Variants in ZBTB40 observed in about 807,000 individuals in gnomAD.
ZBTB40 encodes zinc finger and BTB domain containing 40.
In ZBTB40, 60 loss-of-function variants were observed where a neutral mutation model predicts 117.5. That is an observed-to-expected ratio of 0.51 (90% CI 0.41 to 0.63). The LOEUF is 0.63. ZBTB40 is among the 30% of genes least tolerant of loss of function. The pLI is 0.00. For synonymous variants in ZBTB40, 525 were observed against 577.1 expected (o/e 0.91, Z 1.29); for missense variants, 1,287 against 1,498.5 (o/e 0.86, Z 2.33).
chr1:22,444,546 A>C (rs1640767926), intron 1 of ZBTB40, among the ~76,000 whole-genome samples: 1 of 152,208 alleles, frequency 6.6e-6, no homozygotes, highest in South Asian at 2.1e-4. Flanking sequence ...GGGTTCAAGC[A>C]TGTGCACTAA....
intron 3 of ZBTB40, among the ~76,000 whole-genome samples, chr1:22,495,285 G>A (rs905518663): frequency 1.3e-4 from 20 of 152,176 alleles, no homozygotes; most frequent in African/African-American, 4.1e-4. Context: ...CTTGAATTGT[G>A]AGAAATCAAA....
In ZBTB40 at chr1:22,441,065, C is replaced by T. The variant is rs552429223; in HGVS notation, c.-70+12051C>T. Among the ~76,000 whole-genome samples the T allele has an allele frequency of 4.6e-5, 7 of 152,128 alleles. No individual in the cohort carries two copies. The South Asian group carries it at 1.5e-3, about 32-fold the overall frequency. On this transcript the variant is annotated intron_variant, in intron 1 of 8. Transcript: ENST00000650433. ...CTGAAAATAATTGGTATTAGTTGTT[C>T]TTTTCATGTTTGGTAAATTCACCTG...
At chr1:22,463,802 G>A (rs1013823647) in intron 1 of ZBTB40, among the ~76,000 whole-genome samples, 12 of 152,166 alleles carry the variant, frequency 7.9e-5, no homozygotes, top group South Asian at 4.1e-4. Flanking sequence ...AGTTTGTTAC[G>A]CTGAACATTT....
At chr1:22,485,119 GTC>G (rs1638429579) in intron 1 of ZBTB40, among the ~76,000 whole-genome samples, 1 of 152,134 alleles carries the variant, frequency 6.6e-6, no homozygotes, top group African/African-American at 2.4e-5. Context: ...TTCTTGTAAT[GTC>G]TCTGTGTGGT....
chr1:22,441,175 G>C (rs965838505), intron 1 of ZBTB40, among the ~76,000 whole-genome samples: 1 of 152,062 alleles, frequency 6.6e-6, no homozygotes, highest in Admixed American at 6.6e-5. Context: ...GGTGTGTTCA[G>C]ATTTTCTATT....
Position 22,520,199 on chromosome 1 carries a change from C to G in ZBTB40, c.2972C>G (p.Ser991Cys). The change falls in exon 14 of 18, where the codon TCC (serine) becomes TGC (cysteine). Residue 991 changes from serine (S) to cysteine (C), a missense_variant. Coordinates refer to ENST00000375647, the MANE Select transcript of ZBTB40 (RefSeq NM_014870.4). ...PTCGKIFSAP[S>C]MLERHVVTHV... The stretch of plus-strand genomic sequence containing the variant: ...TGTGGGAAGATCTTCAGTGCCCCGT[C>G]CATGCTGGAGCGGCACGTGGTGACC... 6.2e-7 allele frequency: 1 copy of G among 1,614,084 alleles called. No individual in the cohort carries two copies. Among genetic ancestry groups the G allele is most frequent in the Non-Finnish European group, 8.5e-7 (1 of 1,179,998 alleles).
At chr1:22,492,266 C>CAT (rs1160750205) in intron 3 of ZBTB40, among the ~76,000 whole-genome samples, 2 of 152,126 alleles carry the variant, frequency 1.3e-5, no homozygotes, top group Admixed American at 6.5e-5. Context: ...AAAAGTGATG[C>CAT]ATATATATAT....
chr1:22,485,730 G>A (rs1290427984), intron 1 of ZBTB40, among the ~76,000 whole-genome samples: 1 of 152,016 alleles, frequency 6.6e-6, no homozygotes, highest in East Asian at 1.9e-4. Context: ...TAGATATTCT[G>A]TTCTGTTTTC....
rs368862186 is a variant in ZBTB40, at chr1:22,526,369, G to A, written c.3693G>A (p.Val1231=). The A allele has an allele frequency of 3.4e-5, 55 of 1,614,086 alleles. No individual in the cohort carries two copies. Among genetic ancestry groups the A allele is most frequent in the Non-Finnish European group, 4.7e-5 (55 of 1,180,044 alleles). ...TGGAGGACTTGCTGGATGGCACAGT[G>A]ACGCTGATCTGTGGTGAGGCCAAAT... ...VTVEDLLDGT[V]TLICGEAK The change falls in exon 18 of 18, where the codon GTG becomes GTA. Residue 1231 remains valine, a synonymous_variant. Transcript: ENST00000375647.
intron 1 of ZBTB40, among the ~76,000 whole-genome samples, chr1:22,433,455 A>AAAAAAAAAAAAAAAAAAAAAAC (rs1640627579): frequency 1.4e-5 from 2 of 140,820 alleles, no homozygotes; most frequent in Non-Finnish European, 3.1e-5. Flanking sequence ...AAAAAAAAAA[A>AAAAAAAAAAAAAAAAAAAAAAC]AAGACAGCTA....
chr1:22,457,640 A>G (rs1014643298), intron 1 of ZBTB40, among the ~76,000 whole-genome samples: 1 of 152,242 alleles, frequency 6.6e-6, no homozygotes, highest in Admixed American at 6.5e-5. Flanking sequence ...ACAAAGGATT[A>G]TAACTGTAAA....
In ZBTB40 at chr1:22,512,907, G is replaced by GT; in HGVS notation, c.2462-16dup. 6.2e-7 allele frequency: 1 copy of GT among 1,613,916 alleles called. No individual in the cohort carries two copies. Among genetic ancestry groups the GT allele is most frequent in the Middle Eastern group, 1.7e-4 (1 of 6,060 alleles). On this transcript the variant is annotated splice_polypyrimidine_tract_variant and intron_variant, in intron 11 of 17. Coordinates refer to ENST00000375647, the MANE Select transcript of ZBTB40 (RefSeq NM_014870.4). ...AGTAGCATCTCTTCTGGCCTCTGGT[G>GT]TGCTTGGCTTCCCTAGGCATGCAGT...
chr1:22,473,169 A>G (rs928636922), intron 1 of ZBTB40, among the ~76,000 whole-genome samples: 1 of 152,224 alleles, frequency 6.6e-6, no homozygotes, highest in African/African-American at 2.4e-5. Flanking sequence ...TTGGACCAAC[A>G]GCAGCTAGGT....
intron 1 of ZBTB40, among the ~76,000 whole-genome samples, chr1:22,430,507 C>T (rs970152006): frequency 6.6e-6 from 1 of 151,892 alleles, no homozygotes; most frequent in African/African-American, 2.4e-5. Context: ...GGGAGGATTG[C>T]TTGAGCCTGG....
At chr1:22,458,984 T>C (rs1167508210) in intron 1 of ZBTB40, among the ~76,000 whole-genome samples, 1 of 152,242 alleles carries the variant, frequency 6.6e-6, no homozygotes, top group East Asian at 1.9e-4. Context: ...TCTTCTCTGT[T>C]TCTCCTGTCT....
Position 22,437,521 on chromosome 1 carries a change from A to C in ZBTB40, c.-70+8507A>C, listed in dbSNP as rs1640685102. 2.6e-5 allele frequency among the ~76,000 whole-genome samples: 4 copies of C among 151,204 alleles called. No homozygotes were observed. In the South Asian group the frequency reaches 6.3e-4, roughly 24 times the overall value. On this transcript the variant is annotated intron_variant, in intron 1 of 8. Transcript: ENST00000650433. ...CTGCAACCTCTGCCTCCCAGGTTCC[A>C]GCAATTCTCCAGTCTCAGCCTCCCA...
intron 17 of ZBTB40, 105 bp from the exon 18 acceptor site, chr1:22,526,097 G>A (rs1639668967): frequency 1.4e-6 from 2 of 1,386,288 alleles, no homozygotes; most frequent in South Asian, 2.4e-5. Flanking sequence ...CTCTCCTCAG[G>A]TGAAAACATA....
chr1:22,476,547 TAGAC>T (rs1218173071), intron 1 of ZBTB40, among the ~76,000 whole-genome samples: 2 of 152,316 alleles, frequency 1.3e-5, no homozygotes, highest in Non-Finnish European at 1.5e-5. Context: ...TTTTTGGAAG[TAGAC>T]AGAATAAAAA....
chr1:22,527,951 C>T lies in ZBTB40; in HGVS notation c.*1555C>T, dbSNP rs150030561. On this transcript the variant is annotated 3_prime_UTR_variant, in exon 18 of 18. Transcript: ENST00000375647. ...GGACAGCTCATCCCAGCCGACTACA[C>T]CTGCTTCTGGTCCTGTCCACATTTT... 4.6e-5 allele frequency: 7 copies of T among 152,680 alleles called. No homozygotes were observed. Among genetic ancestry groups the T allele is most frequent in the African/African-American group, 1.7e-4 (7 of 41,596 alleles). The allele number at this position is 152,680 out of a possible 1,614,324, so 9.5% of individuals were successfully genotyped here.
Sources: gnomAD v4.1 joint callset for allele counts (sites outside exome capture counted in the v4.1 genomes callset) on GRCh38, gnomAD v4.1.1 for gene constraint, MANE v1.5 for transcripts, NCBI Gene and HGNC (gene_info 2026-07-23, HGNC 2026-07-21) for gene names.